The following HEATR5A variants were observed in gnomAD, a reference collection of about 807,000 sequenced individuals.
HEATR5A encodes HEAT repeat containing 5A, also known as HEAT repeat-containing protein 5A.
Under a neutral mutation model 218.8 loss-of-function variants are expected in HEATR5A, and 178 were observed. The observed-to-expected ratio is 0.81, with a 90% confidence interval of 0.72 to 0.92. The LOEUF (loss-of-function observed/expected upper bound fraction) is 0.92. HEATR5A is among the 40% of genes least tolerant of loss of function. The pLI, the probability that HEATR5A is intolerant of heterozygous loss-of-function variation, is 0.00. For synonymous variants in HEATR5A, 864 were observed against 871.6 expected, an observed-to-expected ratio of 0.99 and a Z score of 0.15; for missense variants, 2,420 against 2,418.9, an observed-to-expected ratio of 1.00 and a Z score of -0.01.
rs376234826 is a variant in HEATR5A, at chr14:31,383,661, G to A, written c.1456C>T (p.Pro486Ser). Residue 486 changes from proline to serine, a missense_variant, in exon 10 of 36, where the codon CCA (proline) becomes TCA (serine). By Grantham distance (74) the Pro-to-Ser change is moderately conservative. Coordinates refer to ENST00000543095, the MANE Select transcript of HEATR5A (RefSeq NM_015473.4). Reference sequence around the variant, plus strand: ...CGTTCAAGGCAACGATCCAAGAGTGGTGTTAGGTAGGAGGGTAATGCCACG... The same window carrying A: ...CGTTCAAGGCAACGATCCAAGAGTGATGTTAGGTAGGAGGGTAATGCCACG... ...IAVALPSYLT[P>S]LLDRCLERLT... 5.0e-6 allele frequency: 8 copies of A among 1,613,856 alleles called. No individual in the cohort carries two copies. In the African/African-American group the frequency reaches 9.3e-5, roughly 19 times the overall value.
chr14:31,385,830 C>T (rs902381440), intron 9 of HEATR5A, among the ~76,000 whole-genome samples: 15 of 152,206 alleles, frequency 9.9e-5, no homozygotes, highest in East Asian at 9.7e-4. Context: ...GGGGCTCAAG[C>T]GATTCTCGTG....
In HEATR5A at chr14:31,302,215, A is replaced by C. The variant is rs1899406548; in HGVS notation, c.5464+80T>G. The C allele has an allele frequency of 1.6e-5, 16 of 994,998 alleles. No homozygotes were observed. The East Asian group carries it at 4.2e-4, about 26-fold the overall frequency. The allele number at this position is 994,998 out of a possible 1,614,324, so 61.6% of individuals were successfully genotyped here. On this transcript the variant is annotated intron_variant, in intron 33 of 35. Transcript: ENST00000543095. The stretch of plus-strand genomic sequence containing the variant: ...TAGGTGATATGGCCAAATATGATCA[A>C]GTAAAATATCTTATCCTCAAAAAAC...
Position 31,293,607 on chromosome 14 carries a change from G to A in HEATR5A, c.5839C>T (p.Gln1947Ter). ...ATGGGCAAAAGACAGGCCACCAGCTGAGCGCCTAGAAAGTAAACAAATAAT... is the reference window on the plus strand; with the variant it reads ...ATGGGCAAAAGACAGGCCACCAGCTAAGCGCCTAGAAAGTAAACAAATAAT... ...VTVAEEHHRA[Q>*]LVACLLPILI... The change falls in exon 36 of 36, where the codon CAG becomes TAG. Residue 1947 changes from glutamine (Q) to a stop codon, truncating the protein, a stop_gained. Transcript: ENST00000543095. LOFTEE classifies it high-confidence loss of function. 3.1e-6 allele frequency: 5 copies of A among 1,600,926 alleles called. No individual in the cohort carries two copies. The highest frequency in any genetic ancestry group is 4.3e-6 in the Non-Finnish European group (5 of 1,175,822).
At position 31,349,960 on chromosome 14, in the gene HEATR5A, C is replaced by T. The variant is rs751813662; in HGVS notation, c.2537G>A (p.Gly846Glu). The change falls in exon 18 of 36, where the codon GGA becomes GAA. Residue 846 changes from glycine to glutamate, a missense_variant. By Grantham distance (98) the Gly-to-Glu change is moderately conservative (BLOSUM62 -2). Transcript: ENST00000543095. The part of the protein sequence containing the change: ...SFLKYVAGSK[G>E]CLGPEEMKRF... ...TTTCATTTCTTCTGGACCTAAACATCCCTTGGAGCCAGCCACGTACTGAAA... is the reference window on the plus strand; with the variant it reads ...TTTCATTTCTTCTGGACCTAAACATTCCTTGGAGCCAGCCACGTACTGAAA... The T allele has an allele frequency of 6.3e-7, 1 of 1,583,956 alleles. No homozygotes were observed. The highest frequency in any genetic ancestry group is 1.2e-5 in the South Asian group (1 of 86,624).
Position 31,371,965 on chromosome 14 carries a change from C to T in HEATR5A, c.1862-56G>A, listed in dbSNP as rs371380906. On this transcript the variant is annotated intron_variant, in intron 12 of 35. Coordinates refer to ENST00000543095, the MANE Select transcript of HEATR5A (RefSeq NM_015473.4). The stretch of plus-strand genomic sequence containing the variant: ...ATACTGTAATCAACCATGAAAGGCA[C>T]ATTTGATTATGGTACAACATTAGCA... 47 of 739,262 alleles carry T rather than the reference C, an allele frequency of 6.4e-5. No homozygotes were observed. In the African/African-American group the frequency reaches 7.7e-4, roughly 12 times the overall value. 45.8% of individuals were successfully genotyped at this position (739,262 alleles called of 1,614,324 possible).
At chr14:31,365,150 GGTGTGAGCCACTGCACC>G (rs1349229168) in intron 13 of HEATR5A, among the ~76,000 whole-genome samples, 1 of 152,034 alleles carries the variant, frequency 6.6e-6, no homozygotes, top group East Asian at 1.9e-4. Context: ...TGGGATTACA[GGTGTGAGCCACTGCACC>G]CGGCCAGGAC....
At chr14:31,405,086 GAGAA>G (rs2031012716) in intron 1 of HEATR5A, among the ~76,000 whole-genome samples, 2 of 128,658 alleles carry the variant, frequency 1.6e-5, no homozygotes, top group Non-Finnish European at 3.3e-5. Flanking sequence ...AAAGACGAAA[GAGAA>G]AGAAAATATT....
Position 31,360,034 on chromosome 14 carries a change from T to C in HEATR5A, c.2072-977A>G, listed in dbSNP as rs985235668. ...TTTTATTTTGAACATAATCCTGCTA[T>C]CATAATCTCATGTTGTAAAAAAAAA... On this transcript the variant is annotated intron_variant, in intron 14 of 35. Transcript: ENST00000543095. Among the ~76,000 whole-genome samples the C allele has an allele frequency of 1.4e-4, 15 of 107,276 alleles. No homozygotes were observed. The East Asian group carries it at 4.3e-3, about 31-fold the overall frequency. 70.4% of individuals were successfully genotyped at this position (107,276 alleles called of 152,430 possible).
chr14:31,370,519 C>A (rs1302472940), intron 13 of HEATR5A, among the ~76,000 whole-genome samples: 5 of 152,146 alleles, frequency 3.3e-5, no homozygotes, highest in African/African-American at 1.2e-4. Context: ...CAGAAGAACA[C>A]TGAAAAATAA....
intron 33 of HEATR5A, among the ~76,000 whole-genome samples, chr14:31,301,611 T>A (rs963628100): frequency 2.0e-5 from 3 of 152,096 alleles, no homozygotes; most frequent in Admixed American, 6.6e-5. Flanking sequence ...CTCCTGCCTC[T>A]GCCTTCCGAG....
Position 31,371,679 on chromosome 14 carries a change from A to T in HEATR5A, c.1961+131T>A, listed in dbSNP as rs148753871. 7.5e-3 allele frequency: 3,276 copies of T among 438,998 alleles called. 24 individuals carry two copies. Among genetic ancestry groups the T allele is most frequent in the Middle Eastern group, 0.02 (52 of 2,562 alleles). 27.2% of individuals were successfully genotyped at this position (438,998 alleles called of 1,614,324 possible). A position where few individuals can be genotyped will look rare whatever the true frequency, so the allele number is the denominator to read the frequency against. On this transcript the variant is annotated intron_variant, in intron 13 of 35. Coordinates refer to ENST00000543095, the MANE Select transcript of HEATR5A (RefSeq NM_015473.4). ...CTTTCAAGATCCTAGCCTAAAAAAAAATCATATAACTAACTGATTGCCTTC... is the reference window on the plus strand; with the variant it reads ...CTTTCAAGATCCTAGCCTAAAAAAATATCATATAACTAACTGATTGCCTTC...
chr14:31,308,257 C>T (rs755244001), intron 29 of HEATR5A, among the ~76,000 whole-genome samples: 68 of 151,984 alleles, frequency 4.5e-4, no homozygotes, highest in Non-Finnish European at 6.9e-4. Flanking sequence ...CCTGTAATCC[C>T]AGCACTTTGG....
chr14:31,414,710 T>A lies in HEATR5A; in HGVS notation c.-75+5762A>T, dbSNP rs569856933. Among the ~76,000 whole-genome samples, 5 of 152,300 alleles carry A rather than the reference T, an allele frequency of 3.3e-5. No homozygotes were observed. In the South Asian group the frequency reaches 1.0e-3, roughly 32 times the overall value. ...GCATTAGACTCTACCTGCTTTGGAA[T>A]CTTCCTTTTCCCTCTCCTCTAATTG... is the stretch of plus-strand genomic sequence containing the variant. On this transcript the variant is annotated intron_variant, in intron 1 of 35. Coordinates refer to ENST00000543095, the MANE Select transcript of HEATR5A (RefSeq NM_015473.4).
intron 1 of HEATR5A, 65 bp from the exon 2 acceptor site, chr14:31,403,114 T>C (rs568122655): frequency 2.7e-5 from 20 of 731,626 alleles, no homozygotes; most frequent in Non-Finnish European, 3.8e-5. Flanking sequence ...ATAACGGAAA[T>C]CAGAAAAGTG....
At chr14:31,338,023 T>A (rs994587567) in intron 21 of HEATR5A, among the ~76,000 whole-genome samples, 5 of 152,216 alleles carry the variant, frequency 3.3e-5, no homozygotes, top group African/African-American at 1.2e-4. Flanking sequence ...CACATCCATA[T>A]AGGCAATACA....
At position 31,400,092 on chromosome 14, in the gene HEATR5A, G is replaced by T. The variant is rs535736133; in HGVS notation, c.338+209C>A. 5.3e-5 allele frequency among the ~76,000 whole-genome samples: 8 copies of T among 152,238 alleles called. No homozygotes were observed. In the East Asian group the frequency reaches 1.5e-3, roughly 29 times the overall value. ...GAAGATGTTTTGAATCTCAAATCTA[G>T]ACTTCAAATACGTCTAAAGTATTTG... On this transcript the variant is annotated intron_variant, in intron 3 of 35. Coordinates refer to ENST00000543095, the MANE Select transcript of HEATR5A (RefSeq NM_015473.4).
chr14:31,310,371 G>A (rs1686335936), intron 28 of HEATR5A, among the ~76,000 whole-genome samples: 1 of 152,112 alleles, frequency 6.6e-6, no homozygotes, highest in South Asian at 2.1e-4. Flanking sequence ...CAGGCACAGT[G>A]GCTCATGCCT....
chr14:31,340,387 T>C, intron 21 of HEATR5A: 1 of 1,060,586 alleles, frequency 9.4e-7, no homozygotes, highest in Admixed American at 2.6e-5. Context: ...AACCAAAAAA[T>C]GACACAAAGA....
rs200786967 is a variant in HEATR5A, at chr14:31,321,564, G to A, written c.3904C>T (p.Arg1302Ter). The change falls in exon 25 of 36, where the codon CGA (arginine) becomes TGA (stop). Residue 1302 changes from arginine (R) to a stop codon, truncating the protein, a stop_gained. Transcript: ENST00000543095. LOFTEE classifies it high-confidence loss of function. ...TCTGGTTCTGGAACAGTTGCAAATCGCCGAATAACAACTAACAGCATTTCA... is the reference window on the plus strand; with the variant it reads ...TCTGGTTCTGGAACAGTTGCAAATCACCGAATAACAACTAACAGCATTTCA... ...GLEMLLVVIR[R>*]FATVPEPEFP... 8.7e-6 allele frequency: 14 copies of A among 1,606,318 alleles called. No homozygotes were observed. Among genetic ancestry groups the A allele is most frequent in the Admixed American group, 6.8e-5 (4 of 58,968 alleles).
Sources: allele counts gnomAD v4.1 joint callset (sites outside exome capture counted in the v4.1 genomes callset), GRCh38; gene constraint gnomAD v4.1.1; transcripts MANE v1.5; gene names NCBI Gene and HGNC (gene_info 2026-07-23, HGNC 2026-07-21).